The following HEMK2 variants were observed in gnomAD, a reference collection of about 807,000 sequenced individuals.
HEMK2 encodes methyltransferase HEMK2.
chr21:28,804,366 A>G, the HEMK2 span, among the ~76,000 whole-genome samples: 1 of 152,212 alleles, frequency 6.6e-6, no homozygotes, highest in Non-Finnish European at 1.5e-5. Flanking sequence ...ATTCAAAATA[A>G]AGACAAGAAC....
the HEMK2 span, among the ~76,000 whole-genome samples, chr21:28,742,322 G>A: frequency 4.6e-4 from 70 of 152,300 alleles, no homozygotes; most frequent in African/African-American, 1.7e-3. Context: ...CACCATTTGT[G>A]CCTCGGTCTT....
At chr21:28,674,749 T>C in the HEMK2 span, 1 of 152,234 alleles carries the variant, frequency 6.6e-6, no homozygotes, top group East Asian at 1.9e-4. Context: ...CTCACAGTTC[T>C]GGAAACTGGG....
chr21:28,599,128 T>C, the HEMK2 span, among the ~76,000 whole-genome samples: 17 of 152,364 alleles, frequency 1.1e-4, no homozygotes, highest in Non-Finnish European at 2.2e-4. Flanking sequence ...GAAGCTATGA[T>C]GCTAATGTGG....
the HEMK2 span, among the ~76,000 whole-genome samples, chr21:28,756,209 T>C: frequency 6.6e-6 from 1 of 152,314 alleles, no homozygotes; most frequent in Non-Finnish European, 1.5e-5. Flanking sequence ...CTGTCTACCC[T>C]GGGGCCACCT....
chr21:28,881,457 T>C, the HEMK2 span, among the ~76,000 whole-genome samples: 3 of 152,186 alleles, frequency 2.0e-5, no homozygotes, highest in African/African-American at 7.2e-5. Flanking sequence ...AGAAAGGGCC[T>C]CTTTCCTTGG....
the HEMK2 span, among the ~76,000 whole-genome samples, chr21:28,760,774 C>A: frequency 6.6e-6 from 1 of 152,114 alleles, no homozygotes; most frequent in East Asian, 1.9e-4. Context: ...AAAGTCCAAT[C>A]CTGCCAGATA....
chr21:28,718,486 T>G, the HEMK2 span, among the ~76,000 whole-genome samples: 1 of 152,214 alleles, frequency 6.6e-6, no homozygotes. Flanking sequence ...GTTAGTTTTC[T>G]GACTCAAAGA....
the HEMK2 span, among the ~76,000 whole-genome samples, chr21:28,752,876 G>A: frequency 3.3e-5 from 5 of 152,356 alleles, no homozygotes; most frequent in Admixed American, 6.5e-5. Flanking sequence ...GAGGGCCACG[G>A]CAGAGGCCCA....
chr21:28,745,495 C>A, the HEMK2 span, among the ~76,000 whole-genome samples: 23 of 152,308 alleles, frequency 1.5e-4, no homozygotes, highest in South Asian at 6.2e-4. Context: ...GCTTTGACCT[C>A]TCCTGCCTGT....
chr21:28,613,708 C>T, the HEMK2 span, among the ~76,000 whole-genome samples: 1 of 137,562 alleles, frequency 7.3e-6, no homozygotes, highest in Non-Finnish European at 1.5e-5. Context: ...AAGAGTCAGG[C>T]CAAGTCATTT....
chr21:28,768,087 A>G, the HEMK2 span, among the ~76,000 whole-genome samples: 2 of 152,020 alleles, frequency 1.3e-5, no homozygotes, highest in African/African-American at 4.8e-5. Context: ...CTCTTTCATT[A>G]TATCTCTGAG....
At chr21:28,857,979 A>G in the HEMK2 span, among the ~76,000 whole-genome samples, 1 of 152,242 alleles carries the variant, frequency 6.6e-6, no homozygotes, top group Non-Finnish European at 1.5e-5. Context: ...CTTGTTTCAT[A>G]GGTCATGCTG....
the HEMK2 span, chr21:28,743,349 C>T: frequency 6.6e-6 from 1 of 152,156 alleles, no homozygotes; most frequent in African/African-American, 2.4e-5. Flanking sequence ...GCTACTATAA[C>T]AAAGTACCAG....
the HEMK2 span, chr21:28,885,103 C>T: frequency 1.6e-5 from 22 of 1,397,282 alleles, no homozygotes; most frequent in African/African-American, 3.1e-4. Flanking sequence ...CAAGTGGACC[C>T]CGCCTGCTCC....
chr21:28,796,195 C>T, the HEMK2 span, among the ~76,000 whole-genome samples: 1 of 151,942 alleles, frequency 6.6e-6, no homozygotes, highest in African/African-American at 2.4e-5. Flanking sequence ...AGTGCAGTGG[C>T]GCTGTCTCAG....
At chr21:28,868,883 TAA>T in the HEMK2 span, among the ~76,000 whole-genome samples, 1 of 152,182 alleles carries the variant, frequency 6.6e-6, no homozygotes, top group South Asian at 2.1e-4. Flanking sequence ...CTTATTATAA[TAA>T]GTCAGTGGTT....
At chr21:28,588,827 C>CA in the HEMK2 span, among the ~76,000 whole-genome samples, 7 of 151,706 alleles carry the variant, frequency 4.6e-5, no homozygotes, top group African/African-American at 7.3e-5. Context: ...ACTAAAAATA[C>CA]AAAAAATTAG....
chr21:28,635,640 T>C, the HEMK2 span, among the ~76,000 whole-genome samples: 6,637 of 152,268 alleles, frequency 0.044, 476 homozygotes, highest in African/African-American at 0.14. Flanking sequence ...AAATAACTCA[T>C]TTATTTAATC....
At chr21:28,682,534 C>T in the HEMK2 span, among the ~76,000 whole-genome samples, 1 of 151,880 alleles carries the variant, frequency 6.6e-6, no homozygotes, top group Non-Finnish European at 1.5e-5. Flanking sequence ...CCATTTGACC[C>T]AGCCATCCCA....
Sources: allele counts gnomAD v4.1 joint callset (sites outside exome capture counted in the v4.1 genomes callset), GRCh38; gene constraint gnomAD v4.1.1; transcripts MANE v1.5; gene names NCBI Gene and HGNC (gene_info 2026-07-23, HGNC 2026-07-21).